The following AKAP8 variants were observed in gnomAD, a reference collection of about 807,000 sequenced individuals.
The protein encoded by AKAP8 is A-kinase anchoring protein 8, also known as A-kinase anchor protein 8.
AKAP8 carries 24 observed loss-of-function variants against 67.5 expected under a neutral mutation model. The observed-to-expected ratio is 0.36, with a 90% CI of 0.26 to 0.50. The LOEUF (loss-of-function observed/expected upper bound fraction) is 0.50, where lower values mean the gene tolerates loss of function less well. Among genes scored for constraint, AKAP8 ranks in the 20% least tolerant of loss-of-function variants. The pLI is 0.97. For synonymous variants in AKAP8, 400 were observed against 371.1 expected, an observed-to-expected ratio of 1.08 and a Z score of -0.90; for missense variants, 971 against 955.9, an observed-to-expected ratio of 1.02 and a Z score of -0.21.
Position 15,363,468 on chromosome 19 carries a change from G to A in AKAP8, c.1161-1217C>T, listed in dbSNP as rs1482738491. Among the ~76,000 whole-genome samples the A allele has an allele frequency of 2.9e-3, 381 of 133,298 alleles. 1 individual carries two copies. Among genetic ancestry groups the A allele is most frequent in the Non-Finnish European group, 4.5e-3 (281 of 62,792 alleles). 87.4% of individuals were successfully genotyped at this position (133,298 alleles called of 152,430 possible). On this transcript the variant is annotated intron_variant, in intron 9 of 13. Transcript: ENST00000269701. ...GCCCCCCTGCCCGGCCAGCCGCCCC[G>A]TCCGGGAGGGAGGTGGGGGGGGTCA... is the stretch of plus-strand genomic sequence containing the variant.
rs1399513629 is a variant in AKAP8, at chr19:15,369,940, C to G, written c.1072+206G>C. Among the ~76,000 whole-genome samples the G allele has an allele frequency of 6.6e-6, 1 of 152,210 alleles. No homozygotes were observed. Among genetic ancestry groups the G allele is most frequent in the Non-Finnish European group, 1.5e-5 (1 of 68,040 alleles). On this transcript the variant is annotated intron_variant, in intron 8 of 13. Coordinates refer to ENST00000269701, the MANE Select transcript of AKAP8 (RefSeq NM_005858.4). This position sits in a 1 kb window ranked among gnomAD's most constrained non-coding sequence, Gnocchi z 4.6. Reference sequence around the variant, plus strand: ...CCACATCGGGTCAGGCAGACAGACCCGTTTCCAGTAAATGCTGCCCCAGAC... The same window carrying G: ...CCACATCGGGTCAGGCAGACAGACCGGTTTCCAGTAAATGCTGCCCCAGAC...
intron 13 of AKAP8, among the ~76,000 whole-genome samples, chr19:15,357,907 C>T (rs1212507334): frequency 6.6e-6 from 1 of 151,786 alleles, no homozygotes; most frequent in Admixed American, 6.6e-5. Flanking sequence ...GTCTTGAACT[C>T]CTGAACTCAA....
Position 15,369,265 on chromosome 19 carries a change from C to A in AKAP8, c.1072+881G>T. 1.0e-6 allele frequency: 1 copy of A among 985,450 alleles called. No individual in the cohort carries two copies. Among genetic ancestry groups the A allele is most frequent in the Non-Finnish European group, 1.2e-6 (1 of 829,930 alleles). The allele number at this position is 985,450 out of a possible 1,614,324, so 61.0% of individuals were successfully genotyped here. ...ATGTCACCTTTGCTTTAGCATTGTGCCGCTAAGCGCTCGGGGCGCCCCGTG... is the reference window on the plus strand; with the variant it reads ...ATGTCACCTTTGCTTTAGCATTGTGACGCTAAGCGCTCGGGGCGCCCCGTG... On this transcript the variant is annotated intron_variant, in intron 8 of 13. Coordinates refer to ENST00000269701, the MANE Select transcript of AKAP8 (RefSeq NM_005858.4). The surrounding 1 kb of genome is among the most constrained non-coding windows in gnomAD (Gnocchi z 4.6).
In AKAP8 at chr19:15,355,272, G is replaced by A. The variant is rs758666379; in HGVS notation, c.1722C>T (p.Ala574=). ...EDKKETPEEV[A]ADVLAEVITA... ...TAATCACCTCTGCTAAGACGTCCGC[G>A]GCCACCTCCTCAGGTGTCTCTTTCT... Residue 574 remains alanine, a synonymous_variant, in exon 14 of 14, where the codon GCC becomes GCT. Transcript: ENST00000269701. The A allele has an allele frequency of 6.2e-6, 10 of 1,612,974 alleles. No individual in the cohort carries two copies. The highest frequency in any genetic ancestry group is 5.0e-5 in the Admixed American group (3 of 59,978).
intron 9 of AKAP8, among the ~76,000 whole-genome samples, chr19:15,362,916 C>T (rs1158107298): frequency 1.5e-4 from 23 of 150,356 alleles, no homozygotes; most frequent in Admixed American, 4.6e-4. Context: ...AAGTGAGGAG[C>T]GCCTCTTCCC....
At chr19:15,377,869 A>AC (rs1967280504) in intron 1 of AKAP8, among the ~76,000 whole-genome samples, 1 of 149,022 alleles carries the variant, frequency 6.7e-6, no homozygotes, top group Non-Finnish European at 1.5e-5. Flanking sequence ...ACCCCTCCAC[A>AC]CCCCCCGCCC....
Position 15,354,928 on chromosome 19 carries a change from A to G in AKAP8, c.2066T>C (p.Val689Ala). The G allele has an allele frequency of 6.2e-7, 1 of 1,613,796 alleles. No homozygotes were observed. The highest frequency in any genetic ancestry group is 1.1e-5 in the South Asian group (1 of 91,090). The change falls in exon 14 of 14, where the codon GTT becomes GCT. Residue 689 changes from valine (V) to alanine (A), a missense_variant. Transcript: ENST00000269701. ...EQTDAESKDA[V>A]PTE is the part of the protein sequence containing the mutation. ...GGGAAATGAGCATCATTCTGTGGGAACAGCGTCTTTAGACTCTGCATCAGT... is the reference window on the plus strand; with the variant it reads ...GGGAAATGAGCATCATTCTGTGGGAGCAGCGTCTTTAGACTCTGCATCAGT...
In AKAP8 at chr19:15,368,222, G is replaced by C; in HGVS notation, c.1160+13C>G. 1 of 1,610,260 alleles carries C rather than the reference G, an allele frequency of 6.2e-7. No homozygotes were observed. Among genetic ancestry groups the C allele is most frequent in the Non-Finnish European group, 8.5e-7 (1 of 1,179,818 alleles). On this transcript the variant is annotated intron_variant, in intron 9 of 13. Transcript: ENST00000269701. ...TCCACCTCCTCCTGTGGGGTCGTGTGCCCGCGCCTCACCTGTCGGCTGCAC... is the reference window on the plus strand; with the variant it reads ...TCCACCTCCTCCTGTGGGGTCGTGTCCCCGCGCCTCACCTGTCGGCTGCAC...
rs1360562320 is a variant in AKAP8 at position 15,376,954 on chromosome 19, C to G, written c.58+22G>C. Reference sequence around the variant, plus strand: ...GAGTTAGGGGAAGCCCACGCCTCACCCGCAAAGCAGAGCCCACTTACCCTG... The same window carrying G: ...GAGTTAGGGGAAGCCCACGCCTCACGCGCAAAGCAGAGCCCACTTACCCTG... On this transcript the variant is annotated intron_variant, in intron 2 of 13. Transcript: ENST00000269701. 1.9e-6 allele frequency: 3 copies of G among 1,609,154 alleles called. No individual in the cohort carries two copies. The South Asian group carries it at 3.3e-5, about 18-fold the overall frequency.
At chr19:15,363,573 G>C (rs1418057827) in intron 9 of AKAP8, among the ~76,000 whole-genome samples, 20 of 151,076 alleles carry the variant, frequency 1.3e-4, no homozygotes, top group Non-Finnish European at 4.4e-5. Context: ...GCCCCGTCCA[G>C]GAGGTGAGGG....
Position 15,375,458 on chromosome 19 carries a change from G to C in AKAP8, c.59-823C>G, listed in dbSNP as rs549095349. ...GAATTTTACGTTTTTAAATGGTTGGGGTAAAGTTTCTAAAGTGTATTCAAT... is the reference window on the plus strand; with the variant it reads ...GAATTTTACGTTTTTAAATGGTTGGCGTAAAGTTTCTAAAGTGTATTCAAT... On this transcript the variant is annotated intron_variant, in intron 2 of 13. Coordinates refer to ENST00000269701, the MANE Select transcript of AKAP8 (RefSeq NM_005858.4). Among the ~76,000 whole-genome samples the C allele has an allele frequency of 4.6e-5, 7 of 152,044 alleles. 1 individual carries two copies. In the South Asian group the frequency reaches 1.5e-3, roughly 32 times the overall value.
chr19:15,369,142 G>C lies in AKAP8; in HGVS notation c.1073-820C>G. On this transcript the variant is annotated intron_variant, in intron 8 of 13. Coordinates refer to ENST00000269701, the MANE Select transcript of AKAP8 (RefSeq NM_005858.4). The surrounding 1 kb of genome is among the most constrained non-coding windows in gnomAD (Gnocchi z 4.6). ...CTGCTCAGAAGCCTCTCAAAAGGGC[G>C]TGTGGGATTTTTGGCAAGAGGTCAC... 1.0e-6 allele frequency: 1 copy of C among 985,480 alleles called. No individual in the cohort carries two copies. The highest frequency in any genetic ancestry group is 1.2e-6 in the Non-Finnish European group (1 of 829,958). 61.0% of individuals were successfully genotyped at this position (985,480 alleles called of 1,614,324 possible).
chr19:15,379,631 G>A, intron 1 of AKAP8, 82 bp downstream of exon 1: 2 of 1,505,732 alleles, frequency 1.3e-6, no homozygotes, highest in Non-Finnish European at 1.8e-6. Flanking sequence ...ACGAAGGCCC[G>A]GCCGGCGGCA....
At chr19:15,379,584 C>T in intron 1 of AKAP8, 129 bp downstream of exon 1, 1 of 1,087,238 alleles carries the variant, frequency 9.2e-7, no homozygotes, top group Non-Finnish European at 1.2e-6. Context: ...CCCTGGCCGC[C>T]TCTCCGGAGG....
At chr19:15,361,485 G>A (rs540351185) in intron 11 of AKAP8, 3 of 389,382 alleles carry the variant, frequency 7.7e-6, no homozygotes, top group African/African-American at 2.1e-5. Flanking sequence ...CAAGTAGCTG[G>A]GACTACAGGT....
intron 7 of AKAP8, among the ~76,000 whole-genome samples, chr19:15,371,308 T>C (rs755068104): frequency 2.0e-5 from 3 of 151,858 alleles, no homozygotes; most frequent in Non-Finnish European, 4.4e-5. Context: ...GCCTGTGCCT[T>C]GTTGTGAGGA....
intron 9 of AKAP8, among the ~76,000 whole-genome samples, chr19:15,364,715 C>T (rs1482708776): frequency 6.6e-6 from 1 of 152,094 alleles, no homozygotes; most frequent in Non-Finnish European, 1.5e-5. Context: ...TCTCGAACTC[C>T]TGACCTCAGG....
chr19:15,363,014 C>G (rs1438980503), intron 9 of AKAP8, among the ~76,000 whole-genome samples: 1 of 151,886 alleles, frequency 6.6e-6, no homozygotes, highest in Non-Finnish European at 1.5e-5. Context: ...CCTGCCGCCC[C>G]GTCCGGGATG....
chr19:15,375,303 G>C (rs1042426650), intron 2 of AKAP8, among the ~76,000 whole-genome samples: 3 of 152,172 alleles, frequency 2.0e-5, no homozygotes, highest in African/African-American at 7.2e-5. Flanking sequence ...TCTGCAAAAA[G>C]TCCAGCCACA....
Sources: allele counts gnomAD v4.1 joint callset (sites outside exome capture counted in the v4.1 genomes callset), GRCh38; gene constraint gnomAD v4.1.1; non-coding constraint Gnocchi (gnomAD v3.1); transcripts MANE v1.5; gene names NCBI Gene and HGNC (gene_info 2026-07-23, HGNC 2026-07-21).